The following PPFIA2 variants were observed in gnomAD, a reference collection of about 807,000 sequenced individuals.
The protein encoded by PPFIA2 is liprin-alpha-2.
PPFIA2 carries 46 observed loss-of-function variants against 175.5 expected under a neutral mutation model. The observed-to-expected ratio is 0.26, with a 90% confidence interval of 0.21 to 0.34. PPFIA2 has a LOEUF of 0.34. Ranked by LOEUF, PPFIA2 falls within the 10% of genes least tolerant of loss-of-function variation. The probability of loss-of-function intolerance (pLI) is 1.00; values close to 1 mark genes in which losing one functional copy is unlikely to be tolerated. For missense variants in PPFIA2, 1,179 were observed against 1,506.1 expected (o/e 0.78, Z 3.60); for synonymous variants, 568 against 511.4 (o/e 1.11, Z -1.49).
chr12:81,532,217 C>T (rs1231233187), intron 4 of PPFIA2, among the ~76,000 whole-genome samples: 1 of 151,822 alleles, frequency 6.6e-6, no homozygotes, highest in African/African-American at 2.4e-5. Flanking sequence ...AAGCTGTAGA[C>T]TTTGCAGCTG....
chr12:81,437,450 C>T (rs2049286590), intron 7 of PPFIA2, among the ~76,000 whole-genome samples: 1 of 152,062 alleles, frequency 6.6e-6, no homozygotes, highest in Non-Finnish European at 1.5e-5. Flanking sequence ...AGGATGGTCT[C>T]GCTTGATCTG....
chr12:81,570,293 T>C (rs2072257678), intron 4 of PPFIA2, among the ~76,000 whole-genome samples: 1 of 152,216 alleles, frequency 6.6e-6, no homozygotes. Context: ...TTTCCTCAAA[T>C]GTTGATAATA....
At chr12:81,369,961 T>C (rs920754798) in intron 11 of PPFIA2, among the ~76,000 whole-genome samples, 1 of 151,776 alleles carries the variant, frequency 6.6e-6, no homozygotes, top group African/African-American at 2.4e-5. Context: ...AGGTTAGTGA[T>C]GGCTGGCAAT....
chr12:81,568,104 T>G (rs35206551), intron 4 of PPFIA2, among the ~76,000 whole-genome samples: 4,181 of 152,358 alleles, frequency 0.027, 87 homozygotes, highest in South Asian at 0.045. Flanking sequence ...ATGCAATTCA[T>G]GTAAACTTCC....
intron 4 of PPFIA2, among the ~76,000 whole-genome samples, chr12:81,615,929 A>T (rs753367672): frequency 6.6e-6 from 1 of 152,174 alleles, no homozygotes; most frequent in Non-Finnish European, 1.5e-5. Flanking sequence ...CATGTCCTTG[A>T]GTAGATGAGA....
intron 4 of PPFIA2, among the ~76,000 whole-genome samples, chr12:81,542,815 A>T (rs2066420506): frequency 6.6e-6 from 1 of 152,152 alleles, no homozygotes. Context: ...TAATCATAAA[A>T]TAGTTTCCTC....
chr12:81,497,737 C>A (rs1040012846), intron 4 of PPFIA2, among the ~76,000 whole-genome samples: 7 of 151,980 alleles, frequency 4.6e-5, no homozygotes, highest in African/African-American at 1.7e-4. Context: ...CAGGGTTTCT[C>A]CATGTTGATC....
At chr12:81,660,733 G>C (rs1255776078) in intron 4 of PPFIA2, among the ~76,000 whole-genome samples, 1 of 152,104 alleles carries the variant, frequency 6.6e-6, no homozygotes, top group Non-Finnish European at 1.5e-5. Context: ...GCAACTCCAA[G>C]ACACATAATC....
At chr12:81,579,373 A>G (rs2074069951) in intron 4 of PPFIA2, among the ~76,000 whole-genome samples, 1 of 151,828 alleles carries the variant, frequency 6.6e-6, no homozygotes, top group Non-Finnish European at 1.5e-5. Context: ...TGTAGTGGAT[A>G]ATTTAAAGCT....
At chr12:81,594,508 C>T (rs1012288507) in intron 4 of PPFIA2, among the ~76,000 whole-genome samples, 1 of 152,052 alleles carries the variant, frequency 6.6e-6, no homozygotes, top group East Asian at 1.9e-4. Flanking sequence ...TTGCGAACTT[C>T]GTTTTGTTTT....
intron 4 of PPFIA2, among the ~76,000 whole-genome samples, chr12:81,510,731 T>A (rs976359903): frequency 6.6e-6 from 1 of 152,064 alleles, no homozygotes; most frequent in Non-Finnish European, 1.5e-5. Flanking sequence ...AACTGTTTTT[T>A]AAAAAATTAA....
rs1215221067 is a variant in PPFIA2, at chr12:81,261,983, C to G, written c.3773G>C (p.Ter1258SerextTer9). The G allele has an allele frequency of 6.2e-7, 1 of 1,603,318 alleles. No homozygotes were observed. The change falls in exon 32 of 33, where the codon TGA becomes TCA. Residue 1258 changes from the stop codon to serine (S), a stop_lost. Coordinates refer to ENST00000549396, the MANE Select transcript of PPFIA2 (RefSeq NM_003625.5). Reference protein sequence around the residue: ...DNSTVRTYSC* With the variant: ...DNSTVRTYSCS ...GTGCTGCCTCCTTTGAGTGGCTGGT[C>G]AACATGAGTATGTGCGAACAGTGGA...
At chr12:81,659,984 G>T (rs551002776) in intron 4 of PPFIA2, among the ~76,000 whole-genome samples, 1 of 152,282 alleles carries the variant, frequency 6.6e-6, no homozygotes, top group East Asian at 1.9e-4. Flanking sequence ...GCAGCTGAGG[G>T]TCCTGACTGT....
intron 4 of PPFIA2, among the ~76,000 whole-genome samples, chr12:81,491,943 T>G (rs907335241): frequency 2.0e-5 from 3 of 152,046 alleles, no homozygotes; most frequent in Admixed American, 1.3e-4. Context: ...GAACATTATC[T>G]TATTCACCCT....
At chr12:81,617,056 G>C (rs2061480772) in intron 4 of PPFIA2, among the ~76,000 whole-genome samples, 1 of 152,122 alleles carries the variant, frequency 6.6e-6, no homozygotes, top group South Asian at 2.1e-4. Flanking sequence ...TAGCTTCTCT[G>C]AGCCTCAGTT....
intron 8 of PPFIA2, among the ~76,000 whole-genome samples, chr12:81,392,397 C>A (rs185496305): frequency 1.1e-4 from 17 of 151,868 alleles, no homozygotes; most frequent in Admixed American, 6.6e-4. Context: ...AGGTGTCAGG[C>A]AAGCTATTGT....
At position 81,259,591 on chromosome 12, in the gene PPFIA2, C is replaced by T; in HGVS notation, c.*103G>A. The T allele has an allele frequency of 1.3e-6, 2 of 1,515,562 alleles. No individual in the cohort carries two copies. Among genetic ancestry groups the T allele is most frequent in the African/African-American group, 1.4e-5 (1 of 72,570 alleles). 93.9% of individuals were successfully genotyped at this position (1,515,562 alleles called of 1,614,324 possible). A position where few individuals can be genotyped will look rare whatever the true frequency, so the allele number is the denominator to read the frequency against. On this transcript the variant is annotated 3_prime_UTR_variant, in exon 33 of 33. Coordinates refer to ENST00000549396, the MANE Select transcript of PPFIA2 (RefSeq NM_003625.5). ...TTATTTCCTTAGAATTCAGTTTTCA[C>T]AAAGGTTTTCACTGCTCGTCTTCTT...
At chr12:81,436,105 C>T (rs1373289793) in intron 7 of PPFIA2, among the ~76,000 whole-genome samples, 2 of 150,990 alleles carry the variant, frequency 1.3e-5, no homozygotes, top group East Asian at 3.9e-4. Flanking sequence ...TGGCAAAACT[C>T]CATCTCTATA....
chr12:81,302,100 GT>G, intron 22 of PPFIA2: 2 of 330,528 alleles, frequency 6.1e-6, no homozygotes, highest in Non-Finnish European at 1.2e-5. Flanking sequence ...GCCAATCAGT[GT>G]TTATATTTAG....
Sources: allele counts gnomAD v4.1 joint callset (sites outside exome capture counted in the v4.1 genomes callset), GRCh38; gene constraint gnomAD v4.1.1; transcripts MANE v1.5; gene names NCBI Gene and HGNC (gene_info 2026-07-23, HGNC 2026-07-21).